UGGT2: variants seen among roughly 807,000 people sequenced by gnomAD.
UGGT2 encodes the protein UDP-glucose glycoprotein glucosyltransferase 2.
Under a neutral mutation model 192.1 loss-of-function variants are expected in UGGT2, and 180 were observed. That is an observed-to-expected ratio of 0.94 (90% CI 0.83 to 1.06). The LOEUF (loss-of-function observed/expected upper bound fraction) is 1.06, where lower values mean the gene tolerates loss of function less well. Ranked by LOEUF, UGGT2 falls within the 50% of genes least tolerant of loss-of-function variation. UGGT2 has a pLI of 0.00. For missense variants in UGGT2, 1,849 were observed against 1,795.7 expected (o/e 1.03, Z -0.54); for synonymous variants, 580 against 591.0 (o/e 0.98, Z 0.27).
chr13:95,856,581 T>G, intron 33 of UGGT2: 1 of 480,630 alleles, frequency 2.1e-6, no homozygotes. Flanking sequence ...AAGTGCACTA[T>G]ATTATTTAAC....
rs1032247421 is a variant in UGGT2 at position 95,948,647 on chromosome 13, T to C, written c.1456-566A>G. Among the ~76,000 whole-genome samples, 3 of 152,312 alleles carry C rather than the reference T, an allele frequency of 2.0e-5. No individual in the cohort carries two copies. The East Asian group carries it at 5.8e-4, about 29-fold the overall frequency. Reference sequence around the variant, plus strand: ...TGATAAAGTGGTATTTATGTATCTTTCCCTAAAATTACTACACTTTAATCA... The same window carrying C: ...TGATAAAGTGGTATTTATGTATCTTCCCCTAAAATTACTACACTTTAATCA... On this transcript the variant is annotated intron_variant, in intron 13 of 38. Transcript: ENST00000376747.
rs1474885672 is a variant in UGGT2, at chr13:95,925,747, AG to A, written c.2227del (p.Leu743SerfsTer20). On this transcript the variant is annotated frameshift_variant, in exon 20 of 39. Transcript: ENST00000376747. LOFTEE classifies it high-confidence loss of function. ...DDESIISAVTLWIIADFDKPS... is the reference protein window; with the variant it reads ...DDESIISAVTXWIIADFDKPS... Reference sequence around the variant, plus strand: ...CTTATCAAAATCTGCAATAATCCAGAGAGTGACTGCAGAAATTATACTCTCA... The same window carrying A: ...CTTATCAAAATCTGCAATAATCCAGAAGTGACTGCAGAAATTATACTCTCA... 1 of 1,569,232 alleles carries A rather than the reference AG, an allele frequency of 6.4e-7. No homozygotes were observed. The highest frequency in any genetic ancestry group is 8.7e-7 in the Non-Finnish European group (1 of 1,154,118).
chr13:95,962,241 G>T (rs1253292633), intron 12 of UGGT2, among the ~76,000 whole-genome samples: 1 of 151,902 alleles, frequency 6.6e-6, no homozygotes, highest in Non-Finnish European at 1.5e-5. Flanking sequence ...AGAACTAAAT[G>T]AAATTGATAC....
At chr13:95,983,501 AAACT>A in intron 10 of UGGT2, 2 of 461,366 alleles carry the variant, frequency 4.3e-6, no homozygotes, top group Non-Finnish European at 8.5e-6. Context: ...CTTTTAAGCA[AAACT>A]AATTACAAGA....
intron 38 of UGGT2, among the ~76,000 whole-genome samples, chr13:95,828,931 G>T (rs1886349338): frequency 1.3e-5 from 2 of 152,164 alleles, no homozygotes; most frequent in South Asian, 4.2e-4. Flanking sequence ...TAAAATACTG[G>T]CAAACCAAAC....
intron 20 of UGGT2, among the ~76,000 whole-genome samples, chr13:95,924,140 GT>G (rs1417554165): frequency 6.6e-6 from 1 of 152,038 alleles, no homozygotes; most frequent in Non-Finnish European, 1.5e-5. Context: ...TGATACTTGG[GT>G]TTTGAAAATC....
At chr13:96,004,403 A>G (rs1003573818) in intron 5 of UGGT2, among the ~76,000 whole-genome samples, 1 of 152,150 alleles carries the variant, frequency 6.6e-6, no homozygotes, top group Non-Finnish European at 1.5e-5. Flanking sequence ...GACTAGAATG[A>G]TGGTAGTTAC....
intron 10 of UGGT2, among the ~76,000 whole-genome samples, chr13:95,977,798 C>G (rs1365593819): frequency 1.3e-5 from 2 of 152,138 alleles, no homozygotes; most frequent in African/African-American, 4.8e-5. Flanking sequence ...AACCCAAATG[C>G]TCATCAATGA....
chr13:96,020,254 G>C (rs2052475160), intron 4 of UGGT2, among the ~76,000 whole-genome samples: 2 of 152,144 alleles, frequency 1.3e-5, no homozygotes, highest in Non-Finnish European at 2.9e-5. Flanking sequence ...GTTTCAACAA[G>C]AGCTTAAGAA....
chr13:95,980,893 G>T lies in UGGT2; in HGVS notation c.1092+2911C>A, dbSNP rs867777234. Among the ~76,000 whole-genome samples, 12 of 152,222 alleles carry T rather than the reference G, an allele frequency of 7.9e-5. No homozygotes were observed. The South Asian group carries it at 2.3e-3, about 29-fold the overall frequency. On this transcript the variant is annotated intron_variant, in intron 10 of 38. Transcript: ENST00000376747. ...GTACCTGTAATCCCAGCTACCCAAG[G>T]AGGCTGAGGCAGGAGAATTGCTGGA...
At chr13:95,820,396 A>C (rs1325855477) in intron 38 of UGGT2, among the ~76,000 whole-genome samples, 1 of 152,162 alleles carries the variant, frequency 6.6e-6, no homozygotes, top group Non-Finnish European at 1.5e-5. Context: ...AGCACAAAAA[A>C]GGAATACAAA....
chr13:95,809,014 AC>A (rs1884453225), intron 38 of UGGT2, among the ~76,000 whole-genome samples: 1 of 152,128 alleles, frequency 6.6e-6, no homozygotes, highest in Admixed American at 6.5e-5. Context: ...ATAAAAACTA[AC>A]CCCCCATCTA....
At chr13:95,884,008 C>T (rs2047569292) in intron 27 of UGGT2, among the ~76,000 whole-genome samples, 1 of 144,550 alleles carries the variant, frequency 6.9e-6, no homozygotes. Flanking sequence ...AATTTTGTTT[C>T]CTACTTTCTA....
intron 5 of UGGT2, among the ~76,000 whole-genome samples, chr13:96,004,750 A>C (rs2051919118): frequency 6.6e-6 from 1 of 151,584 alleles, no homozygotes; most frequent in African/African-American, 2.4e-5. Context: ...CCAAAAAAAT[A>C]ATTTATTGTA....
intron 4 of UGGT2, among the ~76,000 whole-genome samples, chr13:96,014,429 C>T (rs572758912): frequency 2.0e-5 from 3 of 152,300 alleles, no homozygotes; most frequent in Admixed American, 6.5e-5. Flanking sequence ...TACTTACTGA[C>T]TCAACATATT....
At chr13:95,884,225 A>T (rs2047580046) in intron 27 of UGGT2, among the ~76,000 whole-genome samples, 1 of 152,128 alleles carries the variant, frequency 6.6e-6, no homozygotes, top group Admixed American at 6.6e-5. Context: ...ATCTTAGAGA[A>T]ATGTCTTTGC....
intron 12 of UGGT2, among the ~76,000 whole-genome samples, chr13:95,961,261 A>G (rs1225053323): frequency 6.6e-6 from 1 of 152,190 alleles, no homozygotes; most frequent in Non-Finnish European, 1.5e-5. Context: ...ATCAATAATA[A>G]CCTTGAATGT....
intron 12 of UGGT2, among the ~76,000 whole-genome samples, chr13:95,963,868 A>G (rs2050482394): frequency 1.3e-5 from 2 of 152,160 alleles, no homozygotes; most frequent in South Asian, 2.1e-4. Context: ...ACAGAAATAA[A>G]TGGAAAAACA....
At chr13:95,948,222 C>CACACAT (rs1555362534) in intron 13 of UGGT2, 141 bp from the exon 14 acceptor site, 5 of 319,452 alleles carry the variant, frequency 1.6e-5, no homozygotes, top group Non-Finnish European at 2.8e-5. Context: ...AAGGAATACA[C>CACACAT]ACACACACAC....
Sources: gnomAD v4.1 joint callset for allele counts (sites outside exome capture counted in the v4.1 genomes callset) on GRCh38, gnomAD v4.1.1 for gene constraint, MANE v1.5 for transcripts, NCBI Gene and HGNC (gene_info 2026-07-23, HGNC 2026-07-21) for gene names.